The following GIPC2 variants were observed in gnomAD, a reference collection of about 807,000 sequenced individuals.
The protein encoded by GIPC2 is GIPC PDZ domain containing family member 2, also known as PDZ domain-containing protein GIPC2.
A neutral mutation model predicts 30.6 loss-of-function variants in GIPC2; 30 were observed. That is an observed-to-expected ratio of 0.98 (90% confidence interval 0.73 to 1.33). The LOEUF is 1.33. GIPC2 is among the 40% of genes most tolerant of loss of function. GIPC2 has a pLI of 0.00. For synonymous variants in GIPC2, 167 were observed against 150.0 expected (o/e 1.11, Z -0.83); for missense variants, 414 against 390.3 (o/e 1.06, Z -0.51).
intron 1 of GIPC2, among the ~76,000 whole-genome samples, chr1:78,075,633 A>G (rs1661704643): frequency 6.6e-6 from 1 of 152,230 alleles, no homozygotes; most frequent in Admixed American, 6.5e-5. Context: ...AAGGCAAAAT[A>G]CAGAGGAAGA....
chr1:78,078,798 T>G (rs1661767627), intron 1 of GIPC2, among the ~76,000 whole-genome samples: 1 of 148,164 alleles, frequency 6.7e-6, no homozygotes, highest in Admixed American at 6.8e-5. Context: ...TTTATATTGG[T>G]GTTTGGGACC....
At chr1:78,046,559 G>A (rs1442316152) in intron 1 of GIPC2, among the ~76,000 whole-genome samples, 1 of 152,200 alleles carries the variant, frequency 6.6e-6, no homozygotes, top group African/African-American at 2.4e-5. Context: ...CTTGCTCCGA[G>A]ATCTGGCCTT....
chr1:78,105,856 G>T (rs1198021083), intron 3 of GIPC2, among the ~76,000 whole-genome samples: 7 of 152,068 alleles, frequency 4.6e-5, no homozygotes, highest in Non-Finnish European at 1.0e-4. Flanking sequence ...ATAGGAAAAT[G>T]GATCTAATAA....
At chr1:78,104,423 G>T (rs1662306509) in intron 3 of GIPC2, among the ~76,000 whole-genome samples, 1 of 152,110 alleles carries the variant, frequency 6.6e-6, no homozygotes, top group African/African-American at 2.4e-5. Flanking sequence ...TCATTTAGAT[G>T]ATATTAGAAC....
chr1:78,093,324 A>G (rs1662075466), intron 2 of GIPC2, among the ~76,000 whole-genome samples: 1 of 152,174 alleles, frequency 6.6e-6, no homozygotes, highest in South Asian at 2.1e-4. Context: ...TCTGTTAGCG[A>G]TATAAGTTTA....
At chr1:78,099,455 TTGAGACGGAG>T (rs1449384520) in intron 3 of GIPC2, among the ~76,000 whole-genome samples, 1 of 151,718 alleles carries the variant, frequency 6.6e-6, no homozygotes, top group African/African-American at 2.4e-5. Context: ...TTTTTTTTTT[TTGAGACGGAG>T]TTTTGCTCTG....
chr1:78,046,216 G>C lies in GIPC2; in HGVS notation c.122G>C (p.Arg41Thr). The C allele has an allele frequency of 1.9e-6, 3 of 1,600,408 alleles. No homozygotes were observed. The highest frequency in any genetic ancestry group is 2.2e-5 in the South Asian group (2 of 89,312). The part of the protein sequence containing the change: ...SLSASRAPAR[R>T]LVFHAQLAHG... ...TCAGCGTCCCGGGCTCCCGCACGCA[G>C]GCTGGTCTTCCACGCGCAGCTGGCG... Residue 41 changes from arginine (R) to threonine (T), a missense_variant, in exon 1 of 6, where the codon AGG becomes ACG. Physicochemically the swap from Arg to Thr is moderately conservative, Grantham distance 71. Coordinates refer to ENST00000370759, the MANE Select transcript of GIPC2 (RefSeq NM_017655.6).
chr1:78,062,600 C>T (rs1417811381), intron 1 of GIPC2, among the ~76,000 whole-genome samples: 1 of 151,522 alleles, frequency 6.6e-6, no homozygotes, highest in Non-Finnish European at 1.5e-5. Context: ...CTCCACCTCC[C>T]AGGCTTAAGT....
Position 78,135,759 on chromosome 1 carries a change from T to G in GIPC2, c.*16T>G. ...AGGATTATGATGTGTACACTCCATC[T>G]CTGAAGAAACAACCCATCGTTCTTT... On this transcript the variant is annotated 3_prime_UTR_variant, in exon 6 of 6. Coordinates refer to ENST00000370759, the MANE Select transcript of GIPC2 (RefSeq NM_017655.6). The G allele has an allele frequency of 2.5e-6, 4 of 1,592,276 alleles. No homozygotes were observed. Among genetic ancestry groups the G allele is most frequent in the African/African-American group, 2.7e-5 (2 of 73,496 alleles).
chr1:78,065,561 A>G (rs1185660411), intron 1 of GIPC2, among the ~76,000 whole-genome samples: 3 of 152,178 alleles, frequency 2.0e-5, no homozygotes, highest in Non-Finnish European at 4.4e-5. Context: ...TAAAATTCAT[A>G]TGGAAAGACA....
At chr1:78,079,085 C>G (rs1211094717) in intron 1 of GIPC2, among the ~76,000 whole-genome samples, 1 of 152,088 alleles carries the variant, frequency 6.6e-6, no homozygotes, top group African/African-American at 2.4e-5. Flanking sequence ...ATCATTTTTA[C>G]ACTAGAGAAT....
chr1:78,048,229 T>C (rs985890895), intron 1 of GIPC2, among the ~76,000 whole-genome samples: 1 of 152,178 alleles, frequency 6.6e-6, no homozygotes, highest in African/African-American at 2.4e-5. Context: ...TCATTATATA[T>C]GACATTATTC....
At chr1:78,053,249 C>T (rs1354536404) in intron 1 of GIPC2, among the ~76,000 whole-genome samples, 2 of 152,194 alleles carry the variant, frequency 1.3e-5, no homozygotes, top group African/African-American at 2.4e-5. Flanking sequence ...AGCATGTCAA[C>T]AGCAGATAAG....
At chr1:78,084,753 G>A (rs1661895453) in intron 2 of GIPC2, among the ~76,000 whole-genome samples, 1 of 152,096 alleles carries the variant, frequency 6.6e-6, no homozygotes, top group Non-Finnish European at 1.5e-5. Flanking sequence ...TTGGTGTATA[G>A]GAATGTTAGT....
intron 1 of GIPC2, among the ~76,000 whole-genome samples, chr1:78,057,205 C>T (rs1352157455): frequency 6.6e-6 from 1 of 152,172 alleles, no homozygotes; most frequent in Non-Finnish European, 1.5e-5. Context: ...TAGACTCCAT[C>T]CCATTTTGAA....
intron 1 of GIPC2, among the ~76,000 whole-genome samples, chr1:78,066,269 C>T (rs1363731747): frequency 6.6e-6 from 1 of 152,006 alleles, no homozygotes; most frequent in Non-Finnish European, 1.5e-5. Flanking sequence ...ATGTGACCAA[C>T]AGTCATATTA....
intron 1 of GIPC2, among the ~76,000 whole-genome samples, chr1:78,075,325 ATGTGCC>A (rs1557533363): frequency 1.3e-5 from 2 of 152,084 alleles, no homozygotes; most frequent in African/African-American, 2.4e-5. Flanking sequence ...GTTTGGTAGT[ATGTGCC>A]TGTGGTCCCA....
At chr1:78,074,426 G>A (rs1388793029) in intron 1 of GIPC2, among the ~76,000 whole-genome samples, 1 of 142,580 alleles carries the variant, frequency 7.0e-6, no homozygotes, top group East Asian at 2.1e-4. Context: ...TCTCGCTGAG[G>A]CGACTAGGCT....
At chr1:78,106,408 A>G (rs1275407477) in intron 3 of GIPC2, among the ~76,000 whole-genome samples, 1 of 151,656 alleles carries the variant, frequency 6.6e-6, no homozygotes, top group African/African-American at 2.4e-5. Context: ...AAATACAAAA[A>G]AATTAGCCAG....
Sources: allele counts gnomAD v4.1 joint callset (sites outside exome capture counted in the v4.1 genomes callset), GRCh38; gene constraint gnomAD v4.1.1; transcripts MANE v1.5; gene names NCBI Gene and HGNC (gene_info 2026-07-23, HGNC 2026-07-21).